The following FHIT variants were observed in gnomAD, a reference collection of about 807,000 sequenced individuals.
FHIT encodes fragile histidine triad diadenosine triphosphatase, also known as bis(5'-adenosyl)-triphosphatase.
FHIT carries 19 observed loss-of-function variants against 17.9 expected under a neutral mutation model. The ratio of observed to expected loss-of-function variants is 1.06; its 90% CI spans 0.74 to 1.56. The LOEUF is 1.56. Ranked by LOEUF, FHIT falls within the 40% of genes most tolerant of loss-of-function variation. FHIT has a pLI of 0.00. For synonymous variants in FHIT, 81 were observed against 69.7 expected (o/e 1.16, Z -0.81); for missense variants, 248 against 189.2 (o/e 1.31, Z -1.82).
At chr3:60,369,543 T>C (rs1003192374) in intron 5 of FHIT, among the ~76,000 whole-genome samples, 2 of 152,204 alleles carry the variant, frequency 1.3e-5, no homozygotes. Flanking sequence ...ACATATTGAG[T>C]ATTTTTGTGG....
At chr3:60,664,539 T>C (rs1408271333) in intron 4 of FHIT, among the ~76,000 whole-genome samples, 1 of 151,990 alleles carries the variant, frequency 6.6e-6, no homozygotes, top group Non-Finnish European at 1.5e-5. Context: ...CTAGAAAAGA[T>C]AATATAAAAT....
chr3:61,047,532 A>G (rs1013247314), intron 2 of FHIT, among the ~76,000 whole-genome samples: 5 of 152,230 alleles, frequency 3.3e-5, no homozygotes, highest in Non-Finnish European at 5.9e-5. Context: ...GGAAGAATCA[A>G]TATCATGAAA....
intron 7 of FHIT, among the ~76,000 whole-genome samples, chr3:59,930,985 T>A (rs1705943562): frequency 6.6e-6 from 1 of 152,202 alleles, no homozygotes; most frequent in South Asian, 2.1e-4. Context: ...ATCCTACCTA[T>A]TCTTTTGACT....
At chr3:60,352,221 C>A (rs1454886322) in intron 5 of FHIT, among the ~76,000 whole-genome samples, 6 of 152,112 alleles carry the variant, frequency 3.9e-5, no homozygotes, top group African/African-American at 9.7e-5. Flanking sequence ...TATGAGGCAA[C>A]AATAAGCTTG....
At chr3:60,537,067 C>T in intron 4 of FHIT, 88 bp from the exon 5 acceptor site, 1 of 1,072,428 alleles carries the variant, frequency 9.3e-7, no homozygotes, top group Non-Finnish European at 1.3e-6. Flanking sequence ...TCCATTACTA[C>T]AGATTCTTAG....
At chr3:60,287,493 T>C (rs1340041828) in intron 5 of FHIT, among the ~76,000 whole-genome samples, 1 of 152,196 alleles carries the variant, frequency 6.6e-6, no homozygotes, top group African/African-American at 2.4e-5. Context: ...CTTCTGACAT[T>C]AGACTGCTGA....
chr3:60,257,579 C>T (rs986480898), intron 5 of FHIT, among the ~76,000 whole-genome samples: 5 of 152,250 alleles, frequency 3.3e-5, no homozygotes, highest in African/African-American at 4.8e-5. Flanking sequence ...ACAGTAGTAA[C>T]ATGGCATAGG....
intron 7 of FHIT, among the ~76,000 whole-genome samples, chr3:59,930,152 C>T (rs964453852): frequency 1.3e-5 from 2 of 152,306 alleles, no homozygotes; most frequent in Admixed American, 6.5e-5. Flanking sequence ...TTTGTCCTCA[C>T]TGGTTGAGAA....
chr3:60,122,730 A>C (rs1705317737), intron 5 of FHIT, among the ~76,000 whole-genome samples: 1 of 152,198 alleles, frequency 6.6e-6, no homozygotes, highest in South Asian at 2.1e-4. Context: ...CCCACAGTGA[A>C]GTCTAGAAAA....
intron 3 of FHIT, among the ~76,000 whole-genome samples, chr3:60,908,598 A>C (rs1706554683): frequency 6.6e-6 from 1 of 152,124 alleles, no homozygotes; most frequent in Non-Finnish European, 1.5e-5. Flanking sequence ...AGAGAGACTG[A>C]AACAGACAAA....
At chr3:60,638,461 T>C (rs376895335) in intron 4 of FHIT, among the ~76,000 whole-genome samples, 3 of 152,192 alleles carry the variant, frequency 2.0e-5, no homozygotes, top group East Asian at 1.9e-4. Flanking sequence ...TGTGGGATAA[T>C]AGTACATTAC....
chr3:59,952,297 A>G (rs755631673), intron 7 of FHIT, among the ~76,000 whole-genome samples: 8 of 152,156 alleles, frequency 5.3e-5, no homozygotes, highest in Non-Finnish European at 1.2e-4. Flanking sequence ...ACTGTGCATT[A>G]AGTTCACCAG....
intron 4 of FHIT, among the ~76,000 whole-genome samples, chr3:60,712,319 A>T (rs1408591586): frequency 6.6e-6 from 1 of 152,220 alleles, no homozygotes; most frequent in Non-Finnish European, 1.5e-5. Context: ...CCGCTGCAAA[A>T]TCATGCCAAA....
chr3:60,502,267 G>C (rs1402293233), intron 5 of FHIT, among the ~76,000 whole-genome samples: 1 of 152,078 alleles, frequency 6.6e-6, no homozygotes, highest in African/African-American at 2.4e-5. Flanking sequence ...AGATTACTAA[G>C]GCTTTGAAAG....
intron 5 of FHIT, among the ~76,000 whole-genome samples, chr3:60,301,542 A>G (rs528169621): frequency 6.6e-6 from 1 of 152,170 alleles, no homozygotes; most frequent in Non-Finnish European, 1.5e-5. Context: ...GGACCATTTC[A>G]TGGCTAGTTC....
chr3:59,934,823 G>C (rs886219788), intron 7 of FHIT, among the ~76,000 whole-genome samples: 2 of 151,974 alleles, frequency 1.3e-5, no homozygotes, highest in African/African-American at 4.8e-5. Context: ...GAACACGATG[G>C]GGGAAACTGC....
At chr3:60,627,724 A>G (rs1553681373) in intron 4 of FHIT, among the ~76,000 whole-genome samples, 2 of 152,152 alleles carry the variant, frequency 1.3e-5, no homozygotes, top group South Asian at 2.1e-4. Flanking sequence ...GGGTGTCACC[A>G]TATTGGCCAG....
intron 8 of FHIT, among the ~76,000 whole-genome samples, chr3:59,884,222 T>A (rs1291003498): frequency 6.6e-6 from 1 of 152,250 alleles, no homozygotes; most frequent in Non-Finnish European, 1.5e-5. Flanking sequence ...TCAAATTGGC[T>A]ATATAGAATC....
chr3:61,151,316 T>C (rs901899759), intron 2 of FHIT, among the ~76,000 whole-genome samples: 1 of 152,186 alleles, frequency 6.6e-6, no homozygotes, highest in African/African-American at 2.4e-5. Flanking sequence ...AGGGAATGAC[T>C]CTGCAGCTAC....
Sources: allele counts gnomAD v4.1 joint callset (sites outside exome capture counted in the v4.1 genomes callset), GRCh38; gene constraint gnomAD v4.1.1; transcripts MANE v1.5; gene names NCBI Gene and HGNC (gene_info 2026-07-23, HGNC 2026-07-21).